The following TENM4 variants were observed in gnomAD, a reference collection of about 807,000 sequenced individuals.
The protein encoded by TENM4 is teneurin-4.
Under a neutral mutation model 243.3 loss-of-function variants are expected in TENM4, and 82 were observed. That is an observed-to-expected ratio of 0.34 (90% CI 0.28 to 0.40). TENM4 has a LOEUF of 0.40. Ranked by LOEUF, TENM4 falls within the 10% of genes least tolerant of loss-of-function variation. The pLI is 1.00. For missense variants in TENM4, 3,138 were observed against 3,673.3 expected, an observed-to-expected ratio of 0.85 and a Z score of 3.77; for synonymous variants, 1,412 against 1,456.3, an observed-to-expected ratio of 0.97 and a Z score of 0.69.
At chr11:79,177,845 G>A (rs1201431200) in intron 3 of TENM4, among the ~76,000 whole-genome samples, 1 of 152,118 alleles carries the variant, frequency 6.6e-6, no homozygotes, top group Non-Finnish European at 1.5e-5. Context: ...ATCAGGGTGG[G>A]CCCTGCTGTG....
At chr11:78,776,653 T>A (rs1856745706) in intron 17 of TENM4, among the ~76,000 whole-genome samples, 1 of 152,180 alleles carries the variant, frequency 6.6e-6, no homozygotes, top group Non-Finnish European at 1.5e-5. Flanking sequence ...TACCAAAATA[T>A]CAGCCAGATG....
intron 1 of TENM4, among the ~76,000 whole-genome samples, chr11:79,435,145 T>C (rs1432964276): frequency 6.6e-6 from 1 of 152,252 alleles, no homozygotes; most frequent in African/African-American, 2.4e-5. Context: ...CAAAATGTGG[T>C]GGAACATTTT....
chr11:79,338,328 T>G (rs903111534), intron 1 of TENM4, among the ~76,000 whole-genome samples: 1 of 152,228 alleles, frequency 6.6e-6, no homozygotes, highest in Non-Finnish European at 1.5e-5. Flanking sequence ...CCTTCTCCCT[T>G]GGGAATTGTT....
chr11:78,983,149 G>A (rs1052488974), intron 6 of TENM4, among the ~76,000 whole-genome samples: 4 of 152,228 alleles, frequency 2.6e-5, no homozygotes, highest in Non-Finnish European at 2.9e-5. Flanking sequence ...AGCACCTAGT[G>A]TATAAAATGT....
chr11:78,891,535 C>G (rs757287802), intron 7 of TENM4, among the ~76,000 whole-genome samples, 199 bp from the exon 8 acceptor site: 2 of 152,188 alleles, frequency 1.3e-5, no homozygotes, highest in East Asian at 1.9e-4. Flanking sequence ...AGAATACTGT[C>G]TATATAAAAA....
intron 8 of TENM4, 25 bp from the exon 9 acceptor site, chr11:78,890,045 G>C (rs372547150): frequency 6.6e-7 from 1 of 1,509,790 alleles, no homozygotes; most frequent in African/African-American, 1.4e-5. Flanking sequence ...CAGCAAGAGG[G>C]TGTCAGGGGC....
At chr11:78,921,814 A>G (rs1015462114) in intron 6 of TENM4, among the ~76,000 whole-genome samples, 1 of 152,206 alleles carries the variant, frequency 6.6e-6, no homozygotes, top group Non-Finnish European at 1.5e-5. Context: ...TGGGGCCCTC[A>G]AACCCACAGA....
intron 1 of TENM4, among the ~76,000 whole-genome samples, chr11:79,357,294 C>T (rs749827758): frequency 1.6e-4 from 24 of 152,320 alleles, no homozygotes; most frequent in Non-Finnish European, 2.8e-4. Context: ...CCCAAAGATG[C>T]CTGTGTTGCA....
At chr11:79,288,823 C>T (rs916963705) in intron 2 of TENM4, among the ~76,000 whole-genome samples, 2 of 151,506 alleles carry the variant, frequency 1.3e-5, no homozygotes, top group African/African-American at 4.9e-5. Flanking sequence ...GGAGGGATGT[C>T]TAAGGTGGGC....
chr11:79,268,180 T>C (rs1335823393), intron 2 of TENM4, among the ~76,000 whole-genome samples: 6 of 152,014 alleles, frequency 3.9e-5, no homozygotes. Flanking sequence ...ACTACAGGAG[T>C]CAACAAACTT....
chr11:78,701,864 G>A lies in TENM4; in HGVS notation c.4749C>T (p.Asp1583=). The A allele has an allele frequency of 6.2e-7, 1 of 1,614,038 alleles. No individual in the cohort carries two copies. Among genetic ancestry groups the A allele is most frequent in the East Asian group, 2.2e-5 (1 of 44,888 alleles). ...TGGTATCAAACAGATAGAGCTCCTG[G>A]TCAATTGGTGAAGACAGCTCATACA... The part of the protein sequence containing the change: ...QNMYELSSPI[D]QELYLFDTTG... The change falls in exon 28 of 34, where the codon GAC becomes GAT. Residue 1583 remains aspartate (D), a synonymous_variant. Transcript: ENST00000278550.
intron 1 of TENM4, among the ~76,000 whole-genome samples, chr11:79,307,818 G>A (rs568227012): frequency 6.6e-6 from 1 of 152,354 alleles, no homozygotes; most frequent in East Asian, 1.9e-4. Flanking sequence ...CTTCCAGGTG[G>A]GGAGGATGAA....
intron 1 of TENM4, among the ~76,000 whole-genome samples, chr11:79,418,723 C>G (rs1190582809): frequency 1.3e-5 from 2 of 152,232 alleles, no homozygotes; most frequent in Non-Finnish European, 2.9e-5. Flanking sequence ...CCTGACTGCC[C>G]CCATGCAGAG....
chr11:79,326,323 A>G (rs1172573848), intron 1 of TENM4, among the ~76,000 whole-genome samples: 2 of 152,120 alleles, frequency 1.3e-5, no homozygotes, highest in African/African-American at 4.8e-5. Context: ...CCCAAGGTCA[A>G]CTCAATGACC....
chr11:78,997,093 C>T (rs1458856859), intron 6 of TENM4, among the ~76,000 whole-genome samples: 1 of 152,136 alleles, frequency 6.6e-6, no homozygotes, highest in African/African-American at 2.4e-5. Flanking sequence ...GGATTATTTC[C>T]ATCAAAGTGA....
chr11:78,890,053 G>C, intron 8 of TENM4, 33 bp from the exon 9 acceptor site: 1 of 1,496,770 alleles, frequency 6.7e-7, no homozygotes, highest in Non-Finnish European at 9.0e-7. Context: ...GGGTGTCAGG[G>C]GCTGCCCACA....
At chr11:79,306,869 A>C (rs1277042463) in intron 1 of TENM4, among the ~76,000 whole-genome samples, 1 of 151,914 alleles carries the variant, frequency 6.6e-6, no homozygotes, top group Non-Finnish European at 1.5e-5. Context: ...TAAATGGTGG[A>C]GGCAGATGTA....
chr11:79,378,929 G>A (rs1309494403), intron 1 of TENM4, among the ~76,000 whole-genome samples: 6 of 150,990 alleles, frequency 4.0e-5, no homozygotes, highest in Non-Finnish European at 8.8e-5. Flanking sequence ...TGAGGAAAGT[G>A]TGGCTCAGGA....
intron 4 of TENM4, among the ~76,000 whole-genome samples, chr11:79,145,409 C>T (rs765551051): frequency 1.4e-4 from 21 of 152,062 alleles, no homozygotes; most frequent in Admixed American, 5.2e-4. Context: ...ACTCCTCCCT[C>T]GGGGGCAACC....
Sources: allele counts gnomAD v4.1 joint callset (sites outside exome capture counted in the v4.1 genomes callset), GRCh38; gene constraint gnomAD v4.1.1; transcripts MANE v1.5; gene names NCBI Gene and HGNC (gene_info 2026-07-23, HGNC 2026-07-21).